Variants in RBM33 observed in about 807,000 individuals in gnomAD.
RBM33 encodes the protein RNA binding motif protein 33, also known as RNA-binding protein 33.
In RBM33, 28 loss-of-function variants were observed where a neutral mutation model predicts 132.6. The observed-to-expected ratio is 0.21, with a 90% confidence interval of 0.16 to 0.29. The LOEUF is 0.29. RBM33 is among the 10% of genes least tolerant of loss of function. The probability of loss-of-function intolerance (pLI) is 1.00; values close to 1 mark genes in which losing one functional copy is unlikely to be tolerated. For missense variants in RBM33, 1,291 were observed against 1,518.5 expected (o/e 0.85, Z 2.49); for synonymous variants, 634 against 593.0 (o/e 1.07, Z -1.01).
At chr7:155,671,776 A>G (rs948657600) in intron 2 of RBM33, among the ~76,000 whole-genome samples, 5 of 152,090 alleles carry the variant, frequency 3.3e-5, no homozygotes, top group Admixed American at 6.6e-5. Context: ...TCCTCTTTGT[A>G]TATTTCTGTA....
Position 155,644,769 on chromosome 7 carries a change from C to A in RBM33, c.-108C>A. On this transcript the variant is annotated 5_prime_UTR_variant, in exon 1 of 18. Coordinates refer to ENST00000401878, the MANE Select transcript of RBM33 (RefSeq NM_053043.3). Reference sequence around the variant, plus strand: ...CCGGCTTCGCCTCTGCCTCCTGCAGCCCCCTCCCTTCTCTGTCCTCCGTCA... The same window carrying A: ...CCGGCTTCGCCTCTGCCTCCTGCAGACCCCTCCCTTCTCTGTCCTCCGTCA... The A allele has an allele frequency of 2.2e-6, 2 of 925,360 alleles. No homozygotes were observed. Among genetic ancestry groups the A allele is most frequent in the Non-Finnish European group, 1.5e-6 (1 of 661,134 alleles). 57.3% of individuals were successfully genotyped at this position (925,360 alleles called of 1,614,324 possible). A position where few individuals can be genotyped will look rare whatever the true frequency, so the allele number is the denominator to read the frequency against.
intron 6 of RBM33, among the ~76,000 whole-genome samples, chr7:155,704,043 C>T (rs996062505): frequency 1.3e-5 from 2 of 152,156 alleles, no homozygotes; most frequent in African/African-American, 4.8e-5. Flanking sequence ...CAATTTCTGA[C>T]TCTAAAAGTT....
At chr7:155,668,149 C>T (rs146664978) in intron 2 of RBM33, among the ~76,000 whole-genome samples, 114 of 152,036 alleles carry the variant, frequency 7.5e-4, no homozygotes, top group African/African-American at 2.3e-3. Context: ...CGTATGTAGA[C>T]GCATATATAT....
intron 1 of RBM33, among the ~76,000 whole-genome samples, chr7:155,646,098 G>A (rs1007512780): frequency 9.9e-5 from 15 of 152,124 alleles, no homozygotes; most frequent in Admixed American, 9.2e-4. Flanking sequence ...AGCATTCCCA[G>A]TGTAACCTGG....
intron 1 of RBM33, 61 bp from the exon 2 acceptor site, chr7:155,665,114 A>C: frequency 2.1e-6 from 3 of 1,438,182 alleles, no homozygotes; most frequent in Non-Finnish European, 2.9e-6. Context: ...TAGTGTTTGA[A>C]TTATTTGCAT....
intron 5 of RBM33, among the ~76,000 whole-genome samples, chr7:155,697,441 A>C (rs2055634485): frequency 6.6e-6 from 1 of 152,128 alleles, no homozygotes; most frequent in Admixed American, 6.5e-5. Context: ...CCAACCCATA[A>C]ATTTTCACTG....
At chr7:155,713,859 C>T (rs549537696) in intron 8 of RBM33, among the ~76,000 whole-genome samples, 2 of 152,154 alleles carry the variant, frequency 1.3e-5, no homozygotes, top group African/African-American at 4.8e-5. Flanking sequence ...TTGTCTTGTC[C>T]AGGACCACGT....
In RBM33 at chr7:155,725,653, A is replaced by C. The variant is rs187366862; in HGVS notation, c.1260+7210A>C. On this transcript the variant is annotated intron_variant, in intron 9 of 17. Coordinates refer to ENST00000401878, the MANE Select transcript of RBM33 (RefSeq NM_053043.3). ...GCCATGGCAGGGGTGAGGGTGCAGAAATAAAGAGTTTTTCATTTCAGGAAA... is the reference window on the plus strand; with the variant it reads ...GCCATGGCAGGGGTGAGGGTGCAGACATAAAGAGTTTTTCATTTCAGGAAA... Among the ~76,000 whole-genome samples the C allele has an allele frequency of 1.1e-3, 175 of 152,292 alleles. 1 individual carries two copies. The highest frequency in any genetic ancestry group is 0.011 in the Admixed American group (175 of 15,304).
At chr7:155,756,198 A>G (rs1168343268) in intron 14 of RBM33, among the ~76,000 whole-genome samples, 1 of 152,252 alleles carries the variant, frequency 6.6e-6, no homozygotes, top group Non-Finnish European at 1.5e-5. Flanking sequence ...ACAGCCTTCT[A>G]AAATTCAATT....
In RBM33 at chr7:155,739,890, A is replaced by G; in HGVS notation, c.1913A>G (p.His638Arg). Residue 638 changes from histidine to arginine, a missense_variant, in exon 12 of 18, where the codon CAC becomes CGC. His to Arg is a conservative substitution (Grantham distance 29). Coordinates refer to ENST00000401878, the MANE Select transcript of RBM33 (RefSeq NM_053043.3). ...CCGCCGCAGCACCAGCACCACCACC[A>G]CCACCACCACCTGTCCGTCCCGCCC... ...QHPPQHQHHHHHHHLSVPPPP... is the reference protein window; with the variant it reads ...QHPPQHQHHHRHHHLSVPPPP... 6.7e-7 allele frequency: 1 copy of G among 1,496,400 alleles called. No homozygotes were observed. The highest frequency in any genetic ancestry group is 8.9e-7 in the Non-Finnish European group (1 of 1,119,124). 92.7% of individuals were successfully genotyped at this position (1,496,400 alleles called of 1,614,324 possible).
intron 5 of RBM33, 70 bp from the exon 6 acceptor site, chr7:155,700,703 T>C: frequency 9.0e-7 from 1 of 1,112,478 alleles, no homozygotes; most frequent in Non-Finnish European, 1.3e-6. Flanking sequence ...TATTTTAGCA[T>C]TCTTTAATAT....
At chr7:155,673,445 T>C (rs927523910) in intron 3 of RBM33, among the ~76,000 whole-genome samples, 8 of 150,402 alleles carry the variant, frequency 5.3e-5, no homozygotes, top group Non-Finnish European at 1.0e-4. Flanking sequence ...TGTGTGTATG[T>C]GTATATATAC....
intron 9 of RBM33, among the ~76,000 whole-genome samples, chr7:155,730,801 A>G (rs1176369262): frequency 1.3e-5 from 2 of 152,234 alleles, no homozygotes; most frequent in Non-Finnish European, 2.9e-5. Flanking sequence ...TTCAGATGCC[A>G]GTGACTGTGC....
chr7:155,649,944 A>G (rs1328465043), intron 1 of RBM33, among the ~76,000 whole-genome samples: 2 of 152,160 alleles, frequency 1.3e-5, no homozygotes, highest in South Asian at 2.1e-4. Context: ...GGGTTCTTTC[A>G]AGTTGTTTTC....
In RBM33 at chr7:155,774,909, G is replaced by C. The variant is rs1022252115; in HGVS notation, c.3465-84G>C. ...GCGTTTTTATTAAACAGGACCCACC[G>C]GGCTCTTTTAGTTTCCTCCCACCTT... On this transcript the variant is annotated intron_variant, in intron 17 of 17. Coordinates refer to ENST00000401878, the MANE Select transcript of RBM33 (RefSeq NM_053043.3). The surrounding 1 kb of genome is among the most constrained non-coding windows in gnomAD (Gnocchi z 4.2). The C allele has an allele frequency of 8.1e-7, 1 of 1,239,764 alleles. No individual in the cohort carries two copies. Among genetic ancestry groups the C allele is most frequent in the Non-Finnish European group, 1.2e-6 (1 of 843,842 alleles). 76.8% of individuals were successfully genotyped at this position (1,239,764 alleles called of 1,614,324 possible). A position where few individuals can be genotyped will look rare whatever the true frequency, so the allele number is the denominator to read the frequency against.
At chr7:155,772,339 A>G (rs927015478) in intron 16 of RBM33, among the ~76,000 whole-genome samples, 26 of 152,322 alleles carry the variant, frequency 1.7e-4, no homozygotes, top group Middle Eastern at 3.4e-3. Context: ...CACTCACTCC[A>G]CACAGCCCCT....
chr7:155,748,928 A>G lies in RBM33; in HGVS notation c.2979+3326A>G, dbSNP rs142176907. ...AAGTGACTATGCAGATTCAAGGGCT[A>G]TTGTTGGCATTGCGTTTTGCCGTTG... On this transcript the variant is annotated intron_variant, in intron 14 of 17. Coordinates refer to ENST00000401878, the MANE Select transcript of RBM33 (RefSeq NM_053043.3). Among the ~76,000 whole-genome samples the G allele has an allele frequency of 1.6e-3, 236 of 152,150 alleles. 4 individuals are homozygous for G. Among genetic ancestry groups the G allele is most frequent in the African/African-American group, 5.2e-3 (214 of 41,518 alleles).
chr7:155,676,287 G>A (rs1250670551), intron 3 of RBM33, among the ~76,000 whole-genome samples: 25 of 152,202 alleles, frequency 1.6e-4, no homozygotes, highest in Admixed American at 1.6e-3. Flanking sequence ...GCAGGCTGAC[G>A]TGACCAGGCT....
intron 9 of RBM33, among the ~76,000 whole-genome samples, chr7:155,725,504 G>GA (rs1288236023): frequency 6.6e-6 from 1 of 151,870 alleles, no homozygotes; most frequent in Non-Finnish European, 1.5e-5. Context: ...CATAAACTGA[G>GA]AAAAAAACAT....
Sources: allele counts gnomAD v4.1 joint callset (sites outside exome capture counted in the v4.1 genomes callset), GRCh38; gene constraint gnomAD v4.1.1; non-coding constraint Gnocchi (gnomAD v3.1); transcripts MANE v1.5; gene names NCBI Gene and HGNC (gene_info 2026-07-23, HGNC 2026-07-21).